The following SLC25A31 variants were observed in gnomAD, a reference collection of about 807,000 sequenced individuals.
SLC25A31 encodes solute carrier family 25 member 31.
A neutral mutation model predicts 36.2 loss-of-function variants in SLC25A31; 40 were observed. The ratio of observed to expected loss-of-function variants is 1.10; its 90% CI spans 0.86 to 1.44. SLC25A31 has a LOEUF of 1.44. Ranked by LOEUF, SLC25A31 falls within the 40% of genes most tolerant of loss-of-function variation. The pLI, the probability that SLC25A31 is intolerant of heterozygous loss-of-function variation, is 0.00. For missense variants in SLC25A31, 350 were observed against 397.1 expected (o/e 0.88, Z 1.01); for synonymous variants, 143 against 149.7 (o/e 0.96, Z 0.32).
At chr4:127,765,755 G>C (rs1732229094) in intron 3 of SLC25A31, among the ~76,000 whole-genome samples, 1 of 152,154 alleles carries the variant, frequency 6.6e-6, no homozygotes, top group South Asian at 2.1e-4. Context: ...GAGAGTGATA[G>C]CAGTTTTAAA....
intron 5 of SLC25A31, 116 bp downstream of exon 5, chr4:127,768,993 G>A: frequency 3.2e-6 from 3 of 931,708 alleles, no homozygotes; most frequent in East Asian, 2.7e-5. Context: ...GTTTTACTTA[G>A]CTAAAATAAA....
intron 2 of SLC25A31, among the ~76,000 whole-genome samples, chr4:127,748,098 A>C (rs1227532705): frequency 6.6e-6 from 1 of 152,118 alleles, no homozygotes; most frequent in Non-Finnish European, 1.5e-5. Context: ...AATGTGACTG[A>C]CCTTAGCTAC....
intron 2 of SLC25A31, among the ~76,000 whole-genome samples, chr4:127,754,876 A>G (rs1480580741): frequency 1.3e-5 from 2 of 152,350 alleles, no homozygotes; most frequent in East Asian, 3.9e-4. Flanking sequence ...AGCTGGAGCT[A>G]TCATACCACC....
chr4:127,766,932 T>G, intron 3 of SLC25A31, 134 bp from the exon 4 acceptor site: 1 of 679,646 alleles, frequency 1.5e-6, no homozygotes, highest in Non-Finnish European at 2.2e-6. Context: ...AATGGGAGGA[T>G]TTTGATTTGT....
At chr4:127,761,264 T>G (rs1192217485) in intron 2 of SLC25A31, among the ~76,000 whole-genome samples, 1 of 151,416 alleles carries the variant, frequency 6.6e-6, no homozygotes, top group East Asian at 2.0e-4. Context: ...ATAAATTACA[T>G]GATTATCCAC....
At chr4:127,762,793 G>A (rs975413152) in intron 2 of SLC25A31, among the ~76,000 whole-genome samples, 5 of 151,862 alleles carry the variant, frequency 3.3e-5, no homozygotes, top group East Asian at 1.9e-4. Context: ...GCGTGGTGGC[G>A]GGCGCCTGTA....
intron 5 of SLC25A31, among the ~76,000 whole-genome samples, chr4:127,770,699 A>G (rs1330909407): frequency 6.6e-6 from 1 of 151,872 alleles, no homozygotes. Flanking sequence ...ACCTAATCTC[A>G]CAACAGTACA....
At chr4:127,748,165 G>A (rs1265081130) in intron 2 of SLC25A31, among the ~76,000 whole-genome samples, 2 of 152,110 alleles carry the variant, frequency 1.3e-5, no homozygotes, top group African/African-American at 4.8e-5. Flanking sequence ...CAAAACCTCA[G>A]GCATAGACAA....
intron 2 of SLC25A31, among the ~76,000 whole-genome samples, chr4:127,755,771 C>T (rs1270936855): frequency 3.3e-5 from 5 of 152,176 alleles, no homozygotes; most frequent in African/African-American, 9.6e-5. Flanking sequence ...CTGTGGTTCA[C>T]GCCTATAATC....
intron 1 of SLC25A31, among the ~76,000 whole-genome samples, chr4:127,743,794 T>A (rs1297234099): frequency 6.6e-6 from 1 of 152,244 alleles, no homozygotes; most frequent in Non-Finnish European, 1.5e-5. Context: ...TGTACTTATC[T>A]AACTTTGTTC....
chr4:127,771,342 A>G (rs1409076708), intron 5 of SLC25A31, among the ~76,000 whole-genome samples: 3 of 152,114 alleles, frequency 2.0e-5, no homozygotes, highest in Non-Finnish European at 2.9e-5. Context: ...TAAAGACCCT[A>G]TCTCCAAATA....
At chr4:127,750,230 A>G (rs2148758076) in intron 2 of SLC25A31, among the ~76,000 whole-genome samples, 1 of 152,314 alleles carries the variant, frequency 6.6e-6, no homozygotes, top group Admixed American at 6.5e-5. Flanking sequence ...AAAACATATG[A>G]AAGTATAAAC....
intron 5 of SLC25A31, among the ~76,000 whole-genome samples, chr4:127,772,258 T>G (rs1168606434): frequency 6.6e-6 from 1 of 152,230 alleles, no homozygotes; most frequent in Non-Finnish European, 1.5e-5. Context: ...TTAACAACTA[T>G]AGTATTATTC....
At chr4:127,739,718 C>G (rs1731698195) in intron 1 of SLC25A31, among the ~76,000 whole-genome samples, 1 of 152,036 alleles carries the variant, frequency 6.6e-6, no homozygotes, top group Non-Finnish European at 1.5e-5. Context: ...ATGCCAGTAA[C>G]TTGTAGGTTT....
At chr4:127,735,288 G>T (rs1258913879) in intron 1 of SLC25A31, among the ~76,000 whole-genome samples, 2 of 152,138 alleles carry the variant, frequency 1.3e-5, no homozygotes, top group Non-Finnish European at 2.9e-5. Context: ...AGTGCCTTGA[G>T]ATAATAGTAA....
rs141099349 is a variant in SLC25A31 at position 127,763,154 on chromosome 4, C to CT, written c.361-1086dup. On this transcript the variant is annotated intron_variant, in intron 2 of 5. Transcript: ENST00000281154. Reference sequence around the variant, plus strand: ...TTTATGTATTGGTCATGGGATTCAACTTTAATTCTCTGACAGAGATGAAGT... The same window carrying CT: ...TTTATGTATTGGTCATGGGATTCAACTTTTAATTCTCTGACAGAGATGAAGT... Among the ~76,000 whole-genome samples, 780 of 152,156 alleles carry CT rather than the reference C, an allele frequency of 5.1e-3. 8 individuals are homozygous for CT. The highest frequency in any genetic ancestry group is 0.018 in the African/African-American group (752 of 41,512).
intron 2 of SLC25A31, among the ~76,000 whole-genome samples, chr4:127,751,405 T>G (rs957133690): frequency 6.6e-6 from 1 of 152,128 alleles, no homozygotes; most frequent in African/African-American, 2.4e-5. Flanking sequence ...TCCTTACACC[T>G]TATACAAAAA....
rs778377911 is a variant in SLC25A31, at chr4:127,767,077, C to T, written c.490C>T (p.Arg164Ter). Residue 164 changes from arginine to a stop codon, truncating the protein, a stop_gained, in exon 4 of 6, where the codon CGA becomes TGA. Transcript: ENST00000281154. LOFTEE classifies it high-confidence loss of function. ...GVDIGKGPEE[R>*]QFKGLGDCIM... ...TGGCTTTATTTTAGGTCCTGAGGAG[C>T]GACAATTCAAGGGTTTAGGTGACTG... The T allele has an allele frequency of 6.8e-6, 11 of 1,608,178 alleles. No individual in the cohort carries two copies. The highest frequency in any genetic ancestry group is 2.2e-5 in the South Asian group (2 of 89,774).
In SLC25A31 at chr4:127,734,556, CAAAAAAAAAAA is replaced by C. The variant is rs34838538; in HGVS notation, c.232+3795_232+3805del. 4.0e-4 allele frequency among the ~76,000 whole-genome samples: 25 copies of C among 62,282 alleles called. No homozygotes were observed. In the South Asian group the frequency reaches 7.5e-3, roughly 19 times the overall value. 40.9% of individuals were successfully genotyped at this position (62,282 alleles called of 152,430 possible). A position where few individuals can be genotyped will look rare whatever the true frequency, so the allele number is the denominator to read the frequency against. Reference sequence around the variant, plus strand: ...TCCTGGGTACAGAGGAAGACTGTCTCAAAAAAAAAAAAAAAAAAAAAAAAAAGATCCGTACA... The same window carrying C: ...TCCTGGGTACAGAGGAAGACTGTCTCAAAAAAAAAAAAAAAGATCCGTACA... On this transcript the variant is annotated intron_variant, in intron 1 of 5. Coordinates refer to ENST00000281154, the MANE Select transcript of SLC25A31 (RefSeq NM_031291.4).
Sources: allele counts gnomAD v4.1 joint callset (sites outside exome capture counted in the v4.1 genomes callset), GRCh38; gene constraint gnomAD v4.1.1; transcripts MANE v1.5; gene names NCBI Gene and HGNC (gene_info 2026-07-23, HGNC 2026-07-21).